SERP2: variants seen among roughly 807,000 people sequenced by gnomAD.
SERP2 encodes stress-associated endoplasmic reticulum protein 2.
Under a neutral mutation model 9.1 loss-of-function variants are expected in SERP2, and 6 were observed. The observed-to-expected ratio is 0.66, with a 90% confidence interval of 0.36 to 1.30. The LOEUF (loss-of-function observed/expected upper bound fraction) is 1.30, where lower values mean the gene tolerates loss of function less well. SERP2 is among the 50% of genes most tolerant of loss of function. The pLI is 0.03. For synonymous variants in SERP2, 37 were observed against 27.3 expected, an observed-to-expected ratio of 1.35 and a Z score of -1.10; for missense variants, 58 against 81.9, an observed-to-expected ratio of 0.71 and a Z score of 1.13.
At chr13:44,373,711 C>A (rs1005618875), upstream of SERP2, 8 of 334,338 alleles carry the variant, frequency 2.4e-5, no homozygotes, top group Non-Finnish European at 4.3e-5. The surrounding 1 kb of genome is among the most constrained non-coding windows in gnomAD (Gnocchi z 4.8). Context: ...TCCGGCCGCT[C>A]GGCGCGGGAG....
At chr13:44,391,892 C>G (rs1028245900) in intron 2 of SERP2, among the ~76,000 whole-genome samples, 1 of 151,938 alleles carries the variant, frequency 6.6e-6, no homozygotes, top group Non-Finnish European at 1.5e-5. Flanking sequence ...AGAAGTATTT[C>G]AGACAGAAAG....
chr13:44,383,587 T>G (rs1334682823), intron 2 of SERP2, among the ~76,000 whole-genome samples: 1 of 147,392 alleles, frequency 6.8e-6, no homozygotes, highest in Non-Finnish European at 1.5e-5. Context: ...CTCGTTCTAT[T>G]GACAGGCTGG....
At chr13:44,388,631 C>A (rs1344106563) in intron 2 of SERP2, among the ~76,000 whole-genome samples, 2 of 152,174 alleles carry the variant, frequency 1.3e-5, no homozygotes, top group African/African-American at 4.8e-5. Context: ...AGTTAACAGG[C>A]GGCACTTTCC....
intron 2 of SERP2, among the ~76,000 whole-genome samples, chr13:44,388,773 G>A (rs1202624178): frequency 1.3e-5 from 2 of 152,198 alleles, no homozygotes; most frequent in Non-Finnish European, 2.9e-5. Flanking sequence ...GATGTCCTTG[G>A]CAGGGCCTGA....
At chr13:44,389,998 G>C (rs1420632536) in intron 2 of SERP2, among the ~76,000 whole-genome samples, 1 of 152,142 alleles carries the variant, frequency 6.6e-6, no homozygotes. Context: ...TAAAAAGTGA[G>C]AGAGATAGTC....
chr13:44,386,471 C>T (rs1262702618), intron 2 of SERP2, among the ~76,000 whole-genome samples: 2 of 152,224 alleles, frequency 1.3e-5, no homozygotes, highest in African/African-American at 2.4e-5. Flanking sequence ...GCAGCCTCCA[C>T]CTCCTGGGTT....
At chr13:44,378,588 G>T (rs1871792816) in intron 1 of SERP2, among the ~76,000 whole-genome samples, 1 of 151,966 alleles carries the variant, frequency 6.6e-6, no homozygotes. Flanking sequence ...TGTGTGTTTT[G>T]CATGTGAATT....
intron 2 of SERP2, chr13:44,390,207 T>G: frequency 3.5e-6 from 1 of 286,304 alleles, no homozygotes; most frequent in Admixed American, 4.7e-5. Flanking sequence ...TTTCCAGAGG[T>G]TCCTGATGTG....
chr13:44,393,143 A>G (rs1431819944), intron 2 of SERP2, among the ~76,000 whole-genome samples: 1 of 152,182 alleles, frequency 6.6e-6, no homozygotes, highest in Non-Finnish European at 1.5e-5. Flanking sequence ...TTGTGACTTT[A>G]GCAAAAGATA....
rs778164327 is a variant in SERP2, at chr13:44,373,990, T to A, written c.-36T>A. On this transcript the variant is annotated 5_prime_UTR_variant, in exon 1 of 3. Transcript: ENST00000379179. This position sits in a 1 kb window ranked among gnomAD's most constrained non-coding sequence, Gnocchi z 4.8. ...GTCGCAGGAGCTAACGCAGGGGGAA[T>A]CCTTGCAGGTGGGAGCATTTCAGAG... 3.2e-6 allele frequency: 5 copies of A among 1,557,606 alleles called. No individual in the cohort carries two copies. Among genetic ancestry groups the A allele is most frequent in the Non-Finnish European group, 4.4e-6 (5 of 1,145,162 alleles).
intron 2 of SERP2, among the ~76,000 whole-genome samples, chr13:44,396,614 TCTCATC>T (rs1350158831): frequency 4.6e-5 from 7 of 152,208 alleles, no homozygotes; most frequent in Middle Eastern, 6.8e-3. Context: ...TGTAACCAGC[TCTCATC>T]CACATGGGCA....
At chr13:44,382,436 CAAAAAA>C (rs71202274) in intron 2 of SERP2, among the ~76,000 whole-genome samples, 4 of 45,668 alleles carry the variant, frequency 8.8e-5, no homozygotes, top group Admixed American at 2.7e-4. Flanking sequence ...GACTCCGTCT[CAAAAAA>C]AAAAAAAAAA....
intron 2 of SERP2, among the ~76,000 whole-genome samples, chr13:44,381,528 C>T (rs771603380): frequency 6.6e-6 from 1 of 152,120 alleles, no homozygotes; most frequent in Non-Finnish European, 1.5e-5. Flanking sequence ...GGCAACTGAG[C>T]GAGACTGCGT....
At chr13:44,380,134 G>A (rs1871888762) in intron 2 of SERP2, among the ~76,000 whole-genome samples, 1 of 152,170 alleles carries the variant, frequency 6.6e-6, no homozygotes, top group African/African-American at 2.4e-5. Flanking sequence ...AGATACAACT[G>A]AGCCTTTGAC....
chr13:44,389,138 A>G lies in SERP2; in HGVS notation c.158-8134A>G, dbSNP rs182895718. Reference sequence around the variant, plus strand: ...AGGTGCTCTCTGAAATCTTTTGGGGACACAAAATTTGAGGAAGGTCTGTAT... The same window carrying G: ...AGGTGCTCTCTGAAATCTTTTGGGGGCACAAAATTTGAGGAAGGTCTGTAT... On this transcript the variant is annotated intron_variant, in intron 2 of 2. Coordinates refer to ENST00000379179, the MANE Select transcript of SERP2 (RefSeq NM_001010897.3). Among the ~76,000 whole-genome samples the G allele has an allele frequency of 1.7e-4, 26 of 152,302 alleles. No homozygotes were observed. In the East Asian group the frequency reaches 4.1e-3, roughly 24 times the overall value.
Position 44,373,991 on chromosome 13 carries a change from C to T in SERP2, c.-35C>T. On this transcript the variant is annotated 5_prime_UTR_variant, in exon 1 of 3. Coordinates refer to ENST00000379179, the MANE Select transcript of SERP2 (RefSeq NM_001010897.3). This position sits in a 1 kb window ranked among gnomAD's most constrained non-coding sequence, Gnocchi z 4.8. ...TCGCAGGAGCTAACGCAGGGGGAAT[C>T]CTTGCAGGTGGGAGCATTTCAGAGC... 1 of 1,563,496 alleles carries T rather than the reference C, an allele frequency of 6.4e-7. No homozygotes were observed. The highest frequency in any genetic ancestry group is 8.7e-7 in the Non-Finnish European group (1 of 1,149,486).
In SERP2 at chr13:44,397,389, G is replaced by C; in HGVS notation, c.*77G>C. On this transcript the variant is annotated 3_prime_UTR_variant, in exon 3 of 3. Coordinates refer to ENST00000379179, the MANE Select transcript of SERP2 (RefSeq NM_001010897.3). Reference sequence around the variant, plus strand: ...CGGAAGCGGTCAGCCAGTTTCTGCGGGAAACAAGCAGGCCACACGGAATAG... The same window carrying C: ...CGGAAGCGGTCAGCCAGTTTCTGCGCGAAACAAGCAGGCCACACGGAATAG... 3 of 1,150,016 alleles carry C rather than the reference G, an allele frequency of 2.6e-6. No homozygotes were observed. Among genetic ancestry groups the C allele is most frequent in the Admixed American group, 1.7e-5 (1 of 58,786 alleles). 71.2% of individuals were successfully genotyped at this position (1,150,016 alleles called of 1,614,324 possible).
intron 2 of SERP2, among the ~76,000 whole-genome samples, chr13:44,391,592 T>C (rs530719455): frequency 1.3e-5 from 2 of 152,302 alleles, no homozygotes; most frequent in South Asian, 2.1e-4. Context: ...CATGGGGCTA[T>C]GAAATCATAC....
Position 44,397,585 on chromosome 13 carries a change from T to C in SERP2, c.*273T>C. 1 of 497,538 alleles carries C rather than the reference T, an allele frequency of 2.0e-6. No individual in the cohort carries two copies. Among genetic ancestry groups the C allele is most frequent in the Admixed American group, 3.4e-5 (1 of 29,520 alleles). 30.8% of individuals were successfully genotyped at this position (497,538 alleles called of 1,614,324 possible). ...GGTCGTCCGCAGCAGTGCTGTTTTT[T>C]TGGTTTTTCCCTTGGTTTCACTAAT... is the stretch of plus-strand genomic sequence containing the variant. On this transcript the variant is annotated 3_prime_UTR_variant, in exon 3 of 3. Transcript: ENST00000379179.
Sources: allele counts gnomAD v4.1 joint callset (sites outside exome capture counted in the v4.1 genomes callset), GRCh38; gene constraint gnomAD v4.1.1; non-coding constraint Gnocchi (gnomAD v3.1); transcripts MANE v1.5; gene names NCBI Gene and HGNC (gene_info 2026-07-23, HGNC 2026-07-21).